Variants in ABCA13 observed in about 807,000 individuals in gnomAD.
ABCA13 encodes the protein ATP binding cassette subfamily A member 13.
ABCA13 carries 476 observed loss-of-function variants against 478.7 expected under a neutral mutation model. The observed-to-expected ratio is 0.99, with a 90% CI of 0.92 to 1.07. The LOEUF is 1.07. ABCA13 is among the 50% of genes least tolerant of loss of function. ABCA13 has a pLI of 0.00. For synonymous variants in ABCA13, 2,252 were observed against 2,158.9 expected, an observed-to-expected ratio of 1.04 and a Z score of -1.20; for missense variants, 6,060 against 5,910.6, an observed-to-expected ratio of 1.03 and a Z score of -0.83.
chr7:48,484,981 T>G (rs570646343), intron 47 of ABCA13, among the ~76,000 whole-genome samples: 1 of 152,362 alleles, frequency 6.6e-6, no homozygotes, highest in Non-Finnish European at 1.5e-5. Flanking sequence ...TTCATAGTCC[T>G]TCTGAAGGAA....
At chr7:48,449,794 T>C (rs1362566564) in intron 42 of ABCA13, among the ~76,000 whole-genome samples, 1 of 152,204 alleles carries the variant, frequency 6.6e-6, no homozygotes, top group Non-Finnish European at 1.5e-5. Flanking sequence ...CAGCAGAAAA[T>C]AGTCCTCATA....
intron 31 of ABCA13, among the ~76,000 whole-genome samples, chr7:48,359,194 CTG>C (rs1041509078): frequency 6.6e-6 from 1 of 151,874 alleles, no homozygotes; most frequent in Non-Finnish European, 1.5e-5. Context: ...ACGCCAGGCA[CTG>C]TGAATGGGTG....
At chr7:48,542,658 T>C (rs1416022924) in intron 55 of ABCA13, among the ~76,000 whole-genome samples, 1 of 151,430 alleles carries the variant, frequency 6.6e-6, no homozygotes, top group Non-Finnish European at 1.5e-5. Context: ...AAAATGTAGA[T>C]GATGTTTTCA....
At chr7:48,323,617 T>C in intron 27 of ABCA13, among the ~76,000 whole-genome samples, 1 of 152,272 alleles carries the variant, frequency 6.6e-6, no homozygotes, top group African/African-American at 2.4e-5. Flanking sequence ...GGTACTAATA[T>C]CCCCATTCTA....
intron 51 of ABCA13, 130 bp from the exon 52 acceptor site, chr7:48,516,595 G>A (rs1163078087): frequency 1.1e-6 from 1 of 882,482 alleles, no homozygotes; most frequent in Non-Finnish European, 1.8e-6. Flanking sequence ...GAAAAACATA[G>A]TATATGTAGG....
chr7:48,353,276 A>G (rs1809345879), intron 31 of ABCA13, among the ~76,000 whole-genome samples: 1 of 151,450 alleles, frequency 6.6e-6, no homozygotes, highest in Non-Finnish European at 1.5e-5. Context: ...CATGGTGCAT[A>G]CTGTTCTCAT....
intron 1 of ABCA13, among the ~76,000 whole-genome samples, chr7:48,177,230 T>G (rs962655883): frequency 6.6e-6 from 1 of 152,246 alleles, no homozygotes; most frequent in Non-Finnish European, 1.5e-5. Context: ...AACTATTTGT[T>G]GTCAAATTTG....
chr7:48,473,451 C>T (rs1313317840), intron 45 of ABCA13, among the ~76,000 whole-genome samples: 1 of 152,186 alleles, frequency 6.6e-6, no homozygotes, highest in Non-Finnish European at 1.5e-5. Context: ...ATGTTTGCAG[C>T]CCGAACTTTC....
At chr7:48,554,821 A>T (rs979053525) in intron 55 of ABCA13, among the ~76,000 whole-genome samples, 10 of 132,280 alleles carry the variant, frequency 7.6e-5, no homozygotes, top group South Asian at 2.3e-4. Flanking sequence ...TATTATTATT[A>T]TTTATTATTA....
chr7:48,398,499 G>T (rs568735395), intron 38 of ABCA13, among the ~76,000 whole-genome samples: 1 of 152,110 alleles, frequency 6.6e-6, no homozygotes, highest in African/African-American at 2.4e-5. Context: ...CTGTATCACC[G>T]CTTGGTTTCC....
At chr7:48,171,946 T>C (rs1488742550) in intron 1 of ABCA13, among the ~76,000 whole-genome samples, 2 of 152,242 alleles carry the variant, frequency 1.3e-5, no homozygotes, top group Non-Finnish European at 2.9e-5. Context: ...AGGTACTGAC[T>C]CCGAAGCACA....
chr7:48,516,465 T>A (rs7797852), intron 51 of ABCA13, among the ~76,000 whole-genome samples: 24,802 of 152,092 alleles, frequency 0.16, 2,271 homozygotes, highest in African/African-American at 0.22. Flanking sequence ...GGCCCCAAAG[T>A]GCTAGAGTAG....
At chr7:48,368,028 G>A (rs1489274804) in intron 32 of ABCA13, 120 bp downstream of exon 32, 24 of 667,220 alleles carry the variant, frequency 3.6e-5, no homozygotes, top group South Asian at 1.2e-4. Context: ...CTCTGCTGGG[G>A]TTCTGGTGTA....
intron 56 of ABCA13, among the ~76,000 whole-genome samples, chr7:48,580,947 G>A (rs1314965325): frequency 6.6e-6 from 1 of 152,166 alleles, no homozygotes; most frequent in Non-Finnish European, 1.5e-5. Context: ...AGAGAGGCAG[G>A]TGGAGCAGTG....
chr7:48,436,282 C>A (rs986019026), intron 42 of ABCA13, among the ~76,000 whole-genome samples: 1 of 151,278 alleles, frequency 6.6e-6, no homozygotes. Flanking sequence ...GGAATTTATC[C>A]ATCTTATCTA....
At chr7:48,249,525 A>G (rs1792207604) in intron 15 of ABCA13, among the ~76,000 whole-genome samples, 174 bp downstream of exon 15, 1 of 152,180 alleles carries the variant, frequency 6.6e-6, no homozygotes. Flanking sequence ...CAATTATGAC[A>G]AGACTTACCA....
At chr7:48,363,118 G>A (rs765682583) in intron 31 of ABCA13, among the ~76,000 whole-genome samples, 1 of 151,984 alleles carries the variant, frequency 6.6e-6, no homozygotes, top group Non-Finnish European at 1.5e-5. Context: ...TCATCATTTG[G>A]CGGGATGAAG....
intron 29 of ABCA13, among the ~76,000 whole-genome samples, chr7:48,338,854 A>G (rs1455366106): frequency 2.0e-5 from 3 of 152,226 alleles, no homozygotes; most frequent in African/African-American, 7.2e-5. Flanking sequence ...ATCAGTAAAC[A>G]TTTATTGTAC....
chr7:48,527,593 G>A (rs1832966557), intron 54 of ABCA13, among the ~76,000 whole-genome samples: 1 of 152,152 alleles, frequency 6.6e-6, no homozygotes, highest in Non-Finnish European at 1.5e-5. Context: ...TGGCTGTAAG[G>A]CGAGATTTGA....
Sources: allele counts gnomAD v4.1 joint callset (sites outside exome capture counted in the v4.1 genomes callset), GRCh38; gene constraint gnomAD v4.1.1; transcripts MANE v1.5; gene names NCBI Gene and HGNC (gene_info 2026-07-23, HGNC 2026-07-21).